The following PCLO variants were observed in gnomAD, a reference collection of about 807,000 sequenced individuals.
PCLO encodes the protein protein piccolo.
Under a neutral mutation model 427.5 loss-of-function variants are expected in PCLO, and 82 were observed. The observed-to-expected ratio is 0.19, with a 90% CI of 0.16 to 0.23. PCLO has a LOEUF of 0.23. PCLO is among the 10% of genes least tolerant of loss of function. The pLI, the probability that PCLO is intolerant of heterozygous loss-of-function variation, is 1.00. For missense variants in PCLO, 6,239 were observed against 6,115.9 expected, an observed-to-expected ratio of 1.02 and a Z score of -0.67; for synonymous variants, 2,357 against 2,155.4, an observed-to-expected ratio of 1.09 and a Z score of -2.59.
intron 10 of PCLO, chr7:82,868,144 T>C (rs759447101): frequency 2.2e-6 from 1 of 456,656 alleles, no homozygotes; most frequent in Non-Finnish European, 4.4e-6. Context: ...GGAAGCTCAC[T>C]CATCTGTGTG....
chr7:82,826,733 A>G, intron 17 of PCLO, 73 bp from the exon 18 acceptor site: 5 of 865,846 alleles, frequency 5.8e-6, no homozygotes, highest in Non-Finnish European at 8.7e-6. Flanking sequence ...CATACAGTAG[A>G]CATATTTATT....
intron 22 of PCLO, among the ~76,000 whole-genome samples, chr7:82,767,945 T>C (rs73708610): frequency 0.064 from 9,627 of 150,688 alleles, 709 homozygotes; most frequent in African/African-American, 0.18. Flanking sequence ...GATATAGCAA[T>C]GATTGAGTGA....
intron 22 of PCLO, among the ~76,000 whole-genome samples, chr7:82,795,341 G>A (rs1359605036): frequency 6.6e-6 from 1 of 151,910 alleles, no homozygotes; most frequent in Non-Finnish European, 1.5e-5. Context: ...ATGTTGTTTT[G>A]AATACAGAAA....
chr7:83,149,202 T>G (rs78363679), intron 2 of PCLO, among the ~76,000 whole-genome samples: 3,843 of 152,264 alleles, frequency 0.025, 68 homozygotes, highest in Admixed American at 0.042. Flanking sequence ...ATTGTCCTTT[T>G]GTTCCTACTG....
chr7:82,915,921 G>A lies in PCLO; in HGVS notation c.12065C>T (p.Ala4022Val). Residue 4022 changes from alanine (A) to valine (V), a missense_variant, in exon 7 of 25, where the codon GCA (alanine) becomes GTA (valine). Ala to Val is a moderately conservative substitution (Grantham distance 64). Around this residue, in one of 5 missense-constraint regions of PCLO, gnomAD observed 680 missense variants for 677.3 expected, o/e 1.00. Transcript: ENST00000333891. Reference sequence around the variant, plus strand: ...AGATATGCTTGATATTGGACTGCTTGCCATGCTACTTCTTTCCTCCAAACC... The same window carrying A: ...AGATATGCTTGATATTGGACTGCTTACCATGCTACTTCTTTCCTCCAAACC... Reference protein sequence around the residue: ...RIGLEERSSMASSPISSISAD... With the variant: ...RIGLEERSSMVSSPISSISAD... 1.9e-6 allele frequency: 3 copies of A among 1,613,224 alleles called. No homozygotes were observed. The highest frequency in any genetic ancestry group is 2.5e-6 in the Non-Finnish European group (3 of 1,179,788).
At chr7:82,851,153 C>T (rs1321532327) in intron 10 of PCLO, among the ~76,000 whole-genome samples, 1 of 151,874 alleles carries the variant, frequency 6.6e-6, no homozygotes, top group African/African-American at 2.4e-5. Context: ...GGAAGGCAAT[C>T]TGGCAGAATG....
At chr7:82,831,422 A>G (rs1383070052) in intron 16 of PCLO, among the ~76,000 whole-genome samples, 2 of 151,944 alleles carry the variant, frequency 1.3e-5, no homozygotes, top group African/African-American at 4.8e-5. Context: ...CTCCATCTCA[A>G]TTTAAATACA....
At chr7:83,086,538 T>C (rs1406423027) in intron 3 of PCLO, among the ~76,000 whole-genome samples, 2 of 151,476 alleles carry the variant, frequency 1.3e-5, no homozygotes, top group Non-Finnish European at 2.9e-5. Flanking sequence ...CCTGACTGTT[T>C]TTTATTTAAA....
At chr7:83,111,565 G>C (rs1791002277) in intron 3 of PCLO, among the ~76,000 whole-genome samples, 1 of 152,120 alleles carries the variant, frequency 6.6e-6, no homozygotes, top group Non-Finnish European at 1.5e-5. Flanking sequence ...AGAACTAAGT[G>C]GTTCCCAGCT....
intron 8 of PCLO, among the ~76,000 whole-genome samples, chr7:82,907,405 T>C (rs1220926706): frequency 1.3e-5 from 2 of 152,020 alleles, no homozygotes; most frequent in African/African-American, 2.4e-5. Context: ...GAGATTCATA[T>C]AATAAACACA....
intron 3 of PCLO, among the ~76,000 whole-genome samples, chr7:83,124,777 C>T (rs1193788252): frequency 6.6e-6 from 1 of 152,158 alleles, no homozygotes; most frequent in East Asian, 1.9e-4. Flanking sequence ...TCGTCTCCCT[C>T]TCCCGCTTTC....
chr7:82,765,041 G>T (rs1583949415), intron 22 of PCLO, among the ~76,000 whole-genome samples: 1 of 151,818 alleles, frequency 6.6e-6, no homozygotes. Context: ...GAAGACATTA[G>T]TGGGTTCTAT....
intron 3 of PCLO, among the ~76,000 whole-genome samples, chr7:83,099,381 A>T (rs1000141221): frequency 3.3e-5 from 4 of 120,978 alleles, no homozygotes; most frequent in African/African-American, 1.4e-4. Context: ...AACATACAGT[A>T]GATTTTTTTG....
chr7:82,951,477 A>G lies in PCLO; in HGVS notation c.9111T>C (p.Asp3037=), dbSNP rs1384124755. The change falls in exon 6 of 25, where the codon GAT becomes GAC. Residue 3037 remains aspartate, a synonymous_variant. Transcript: ENST00000333891. The stretch of plus-strand genomic sequence containing the variant: ...ATGGACCTGTAGTCTTGCTTGAATA[A>G]TCCATTACCTCACCTGAAATACAGG... The part of the protein sequence containing the change: ...SGRVTTGEVM[D]YSSKTTGPYP... The G allele has an allele frequency of 6.4e-7, 1 of 1,568,668 alleles. No homozygotes were observed. Among genetic ancestry groups the G allele is most frequent in the Non-Finnish European group, 8.7e-7 (1 of 1,154,818 alleles).
intron 3 of PCLO, among the ~76,000 whole-genome samples, chr7:83,001,637 G>A (rs1376936574): frequency 6.6e-6 from 1 of 151,984 alleles, no homozygotes; most frequent in African/African-American, 2.4e-5. Flanking sequence ...GACCCTGTAG[G>A]TTAGCTGGGG....
intron 3 of PCLO, among the ~76,000 whole-genome samples, chr7:83,057,035 G>C (rs1353780193): frequency 2.0e-5 from 3 of 151,572 alleles, no homozygotes; most frequent in Non-Finnish European, 2.9e-5. Flanking sequence ...ACTAATATTT[G>C]TGCTATTAAG....
At chr7:82,850,902 T>C (rs1243105712) in intron 10 of PCLO, among the ~76,000 whole-genome samples, 1 of 152,110 alleles carries the variant, frequency 6.6e-6, no homozygotes, top group South Asian at 2.1e-4. Context: ...TCCAAAACTT[T>C]TGCAAGTATA....
chr7:82,952,548 G>C lies in PCLO; in HGVS notation c.8405C>G (p.Ala2802Gly). 2 of 1,613,922 alleles carry C rather than the reference G, an allele frequency of 1.2e-6. No homozygotes were observed. The part of the protein sequence containing the change: ...TETVTFVTCT[A>G]SASYTTGTES... ...TGTGCCTGTAGTGTAACTTGCACTAGCTGTGCATGTGACAAAGGTCACTGT... is the reference window on the plus strand; with the variant it reads ...TGTGCCTGTAGTGTAACTTGCACTACCTGTGCATGTGACAAAGGTCACTGT... The change falls in exon 5 of 25, where the codon GCT (alanine) becomes GGT (glycine). Residue 2802 changes from alanine to glycine, a missense_variant. Ala to Gly is a moderately conservative substitution (Grantham distance 60). Transcript: ENST00000333891.
chr7:83,123,818 G>A (rs56178995), intron 3 of PCLO, among the ~76,000 whole-genome samples: 9,280 of 151,838 alleles, frequency 0.061, 310 homozygotes, highest in South Asian at 0.11. Flanking sequence ...AGGGTCAGGC[G>A]CAGTGGCTCA....
Sources: gnomAD v4.1 joint callset for allele counts (sites outside exome capture counted in the v4.1 genomes callset) on GRCh38, gnomAD v4.1.1 for gene constraint, gnomAD v4.1.1 regional missense constraint, MANE v1.5 for transcripts, NCBI Gene and HGNC (gene_info 2026-07-23, HGNC 2026-07-21) for gene names.